TRIM24: variants seen among roughly 807,000 people sequenced by gnomAD.
TRIM24 encodes the protein transcription intermediary factor 1-alpha.
Under a neutral mutation model 123.9 loss-of-function variants are expected in TRIM24, and 29 were observed. The ratio of observed to expected loss-of-function variants is 0.23; its 90% CI spans 0.17 to 0.32. The LOEUF (loss-of-function observed/expected upper bound fraction) is 0.32, where lower values mean the gene tolerates loss of function less well. Ranked by LOEUF, TRIM24 falls within the 10% of genes least tolerant of loss-of-function variation. TRIM24 has a pLI of 1.00. For synonymous variants in TRIM24, 456 were observed against 461.1 expected (o/e 0.99, Z 0.14); for missense variants, 932 against 1,295.3 (o/e 0.72, Z 4.31).
At chr7:138,485,909 C>T (rs1018951684) in intron 1 of TRIM24, among the ~76,000 whole-genome samples, 2 of 152,164 alleles carry the variant, frequency 1.3e-5, no homozygotes, top group East Asian at 1.9e-4. Flanking sequence ...CTTGAGGAAT[C>T]GCCACACTGT....
chr7:138,489,066 C>A (rs1238108385), intron 1 of TRIM24, among the ~76,000 whole-genome samples: 1 of 152,142 alleles, frequency 6.6e-6, no homozygotes, highest in Non-Finnish European at 1.5e-5. Context: ...GGTTAGTTAG[C>A]TTTTCTTGTT....
chr7:138,500,818 C>G (rs1003842296), intron 1 of TRIM24, among the ~76,000 whole-genome samples: 1 of 152,098 alleles, frequency 6.6e-6, no homozygotes, highest in Non-Finnish European at 1.5e-5. Flanking sequence ...GCCTACTACA[C>G]ACCAAGAGAA....
intron 1 of TRIM24, among the ~76,000 whole-genome samples, chr7:138,485,681 T>G (rs1430762758): frequency 6.6e-6 from 1 of 152,216 alleles, no homozygotes; most frequent in Admixed American, 6.5e-5. Context: ...TCATCCTTTT[T>G]TATGGCTGCA....
intron 7 of TRIM24, among the ~76,000 whole-genome samples, chr7:138,541,460 T>G (rs1797002426): frequency 6.6e-6 from 1 of 152,176 alleles, no homozygotes; most frequent in Non-Finnish European, 1.5e-5. Context: ...AATCCTTTAT[T>G]TTCTGAGCAG....
At chr7:138,576,939 G>T (rs1240339460) in intron 13 of TRIM24, among the ~76,000 whole-genome samples, 3 of 152,188 alleles carry the variant, frequency 2.0e-5, no homozygotes, top group Non-Finnish European at 4.4e-5. Flanking sequence ...TGGAAGAATT[G>T]TCTGAGGGAG....
chr7:138,488,744 T>C (rs1795710234), intron 1 of TRIM24, among the ~76,000 whole-genome samples: 1 of 152,228 alleles, frequency 6.6e-6, no homozygotes, highest in Non-Finnish European at 1.5e-5. Context: ...CTTTTACATT[T>C]ACTGAGGAGT....
Position 138,535,196 on chromosome 7 carries a change from G to GTT in TRIM24, c.997-3461_997-3460insTT, listed in dbSNP as rs1796841250. ...TTTGTCAGTCTGTGTGTTTTAATTG[G>GTT]AGCATTTAGCCCATTTACATTTAAG... is the stretch of plus-strand genomic sequence containing the variant. On this transcript the variant is annotated intron_variant, in intron 6 of 18. Coordinates refer to ENST00000343526, the MANE Select transcript of TRIM24 (RefSeq NM_015905.3). Among the ~76,000 whole-genome samples the GTT allele has an allele frequency of 5.3e-5, 8 of 152,260 alleles. No individual in the cohort carries two copies. The South Asian group carries it at 1.7e-3, about 32-fold the overall frequency.
chr7:138,561,139 C>T (rs1797419271), intron 9 of TRIM24, among the ~76,000 whole-genome samples: 1 of 152,150 alleles, frequency 6.6e-6, no homozygotes, highest in Non-Finnish European at 1.5e-5. Flanking sequence ...CTTTTGCTAG[C>T]AAAAGGGCTC....
At chr7:138,561,351 G>A (rs920258797) in intron 9 of TRIM24, among the ~76,000 whole-genome samples, 2 of 150,848 alleles carry the variant, frequency 1.3e-5, no homozygotes, top group Non-Finnish European at 1.5e-5. Flanking sequence ...AGGATACCTC[G>A]CCTACTCCAT....
chr7:138,466,273 G>T (rs1795134645), intron 1 of TRIM24, among the ~76,000 whole-genome samples: 1 of 152,172 alleles, frequency 6.6e-6, no homozygotes. Context: ...GGGATTACAG[G>T]CGTGAGCCAC....
chr7:138,580,453 C>A, intron 15 of TRIM24, 109 bp from the exon 16 acceptor site: 2 of 1,371,222 alleles, frequency 1.5e-6, no homozygotes, highest in Non-Finnish European at 2.0e-6. Context: ...AAAATTCATG[C>A]CAAATGAACA....
intron 6 of TRIM24, among the ~76,000 whole-genome samples, chr7:138,535,978 A>G (rs1035343142): frequency 6.6e-6 from 1 of 152,082 alleles, no homozygotes; most frequent in Non-Finnish European, 1.5e-5. Flanking sequence ...ATCTTCAATC[A>G]CTGATACCCT....
intron 1 of TRIM24, among the ~76,000 whole-genome samples, chr7:138,470,394 T>A (rs1795246371): frequency 6.6e-6 from 1 of 152,216 alleles, no homozygotes; most frequent in South Asian, 2.1e-4. Context: ...GTGCTGGGAT[T>A]ACAGATGCGA....
chr7:138,585,889 A>G lies in TRIM24; in HGVS notation c.*938A>G, dbSNP rs761606476. 26 of 518,826 alleles carry G rather than the reference A, an allele frequency of 5.0e-5. No homozygotes were observed. Among genetic ancestry groups the G allele is most frequent in the Middle Eastern group, 3.2e-4 (1 of 3,168 alleles). 32.1% of individuals were successfully genotyped at this position (518,826 alleles called of 1,614,324 possible). A position where few individuals can be genotyped will look rare whatever the true frequency, so the allele number is the denominator to read the frequency against. Reference sequence around the variant, plus strand: ...TCATATACCCTACTGGGCATTAAATATAAGTTCCTCTGAAAGGGACTCGTT... The same window carrying G: ...TCATATACCCTACTGGGCATTAAATGTAAGTTCCTCTGAAAGGGACTCGTT... On this transcript the variant is annotated 3_prime_UTR_variant, in exon 19 of 19. Transcript: ENST00000343526.
Position 138,585,124 on chromosome 7 carries a change from C to A in TRIM24, c.*173C>A. ...TAGCCCATTTCTGTTAACCTCTTAT[C>A]ACTAAGAAAGAAAGGAAAGAAGGAG... On this transcript the variant is annotated 3_prime_UTR_variant, in exon 19 of 19. Transcript: ENST00000343526. 2.3e-6 allele frequency: 1 copy of A among 442,196 alleles called. No homozygotes were observed. Among genetic ancestry groups the A allele is most frequent in the Non-Finnish European group, 3.9e-6 (1 of 256,072 alleles). The allele number at this position is 442,196 out of a possible 1,614,324, so 27.4% of individuals were successfully genotyped here. A position where few individuals can be genotyped will look rare whatever the true frequency, so the allele number is the denominator to read the frequency against.
In TRIM24 at chr7:138,576,404, A is replaced by C; in HGVS notation, c.2046A>C (p.Pro682=). Residue 682 remains proline, a synonymous_variant, in exon 13 of 19, where the codon CCA becomes CCC. Transcript: ENST00000343526. ...GPVTMTSVHP[P]IRSPSASSVG... is the part of the protein sequence containing the mutation. ...TTACTATGACTAGTGTACACCCCCC[A>C]ATACGTTCACCTAGTGCCTCCAGCG... The C allele has an allele frequency of 6.2e-7, 1 of 1,613,890 alleles. No homozygotes were observed. Among genetic ancestry groups the C allele is most frequent in the East Asian group, 2.2e-5 (1 of 44,876 alleles).
chr7:138,565,606 G>A (rs534635366), intron 9 of TRIM24, among the ~76,000 whole-genome samples: 1 of 152,338 alleles, frequency 6.6e-6, no homozygotes, highest in African/African-American at 2.4e-5. Context: ...CCCAGAAAAT[G>A]TTTCAGGAAT....
chr7:138,580,195 A>G (rs1797863434), intron 15 of TRIM24, among the ~76,000 whole-genome samples: 1 of 152,212 alleles, frequency 6.6e-6, no homozygotes, highest in African/African-American at 2.4e-5. Context: ...TATAAACTTA[A>G]GAGTAACAAG....
intron 1 of TRIM24, among the ~76,000 whole-genome samples, chr7:138,495,513 C>G (rs1795885419): frequency 6.6e-6 from 1 of 151,938 alleles, no homozygotes; most frequent in Admixed American, 6.6e-5. Flanking sequence ...GCTAACAGGC[C>G]TACTTTTGTC....
Sources: gnomAD v4.1 joint callset for allele counts (sites outside exome capture counted in the v4.1 genomes callset) on GRCh38, gnomAD v4.1.1 for gene constraint, MANE v1.5 for transcripts, NCBI Gene and HGNC (gene_info 2026-07-23, HGNC 2026-07-21) for gene names.